Variants in GALNTL6 observed in about 807,000 individuals in gnomAD.
GALNTL6 encodes polypeptide N-acetylgalactosaminyltransferase like 6, also known as polypeptide N-acetylgalactosaminyltransferase-like 6.
A neutral mutation model predicts 73.7 loss-of-function variants in GALNTL6; 46 were observed. That is an observed-to-expected ratio of 0.62 (90% CI 0.49 to 0.80). The LOEUF (loss-of-function observed/expected upper bound fraction) is 0.80, where lower values mean the gene tolerates loss of function less well. Among genes scored for constraint, GALNTL6 ranks in the 30% least tolerant of loss-of-function variants. The probability of loss-of-function intolerance (pLI) is 0.00; values close to 1 mark genes in which losing one functional copy is unlikely to be tolerated. For missense variants in GALNTL6, 604 were observed against 755.0 expected (o/e 0.80, Z 2.34); for synonymous variants, 259 against 263.7 (o/e 0.98, Z 0.17).
At chr4:172,618,213 G>A (rs1738820045) in intron 5 of GALNTL6, among the ~76,000 whole-genome samples, 1 of 151,950 alleles carries the variant, frequency 6.6e-6, no homozygotes, top group South Asian at 2.1e-4. Context: ...GCTTGGTTTT[G>A]GGCAGCTTGT....
At chr4:172,829,170 A>T (rs1742480324) in intron 7 of GALNTL6, among the ~76,000 whole-genome samples, 1 of 152,238 alleles carries the variant, frequency 6.6e-6, no homozygotes, top group Non-Finnish European at 1.5e-5. Flanking sequence ...GATATTCGCC[A>T]TCCACCTACA....
chr4:171,919,351 G>T (rs1036482392), intron 2 of GALNTL6, among the ~76,000 whole-genome samples: 2 of 152,108 alleles, frequency 1.3e-5, no homozygotes, highest in Non-Finnish European at 2.9e-5. Flanking sequence ...AGATTTCAGG[G>T]TTGACTCTCT....
intron 2 of GALNTL6, among the ~76,000 whole-genome samples, chr4:171,923,786 C>CTGTGTGTGTGTGTGTG (rs563244976): frequency 0.013 from 1,706 of 133,246 alleles, 19 homozygotes; most frequent in East Asian, 0.019. Context: ...AAAAGTATTG[C>CTGTGTGTGTGTGTGTG]TGTGTGTGTG....
intron 2 of GALNTL6, among the ~76,000 whole-genome samples, chr4:172,066,992 T>C (rs1476182753): frequency 6.6e-6 from 1 of 151,990 alleles, no homozygotes; most frequent in Non-Finnish European, 1.5e-5. Flanking sequence ...TACACCTATC[T>C]GCCTGCCTTC....
At chr4:172,989,644 A>C (rs1351094173) in intron 10 of GALNTL6, among the ~76,000 whole-genome samples, 2 of 152,102 alleles carry the variant, frequency 1.3e-5, no homozygotes, top group African/African-American at 4.8e-5. Context: ...AAAAGTGTGC[A>C]GCACCTCCCC....
At chr4:171,879,401 T>C (rs994535887) in intron 2 of GALNTL6, among the ~76,000 whole-genome samples, 1 of 152,182 alleles carries the variant, frequency 6.6e-6, no homozygotes, top group Non-Finnish European at 1.5e-5. Flanking sequence ...CTGCACGTTC[T>C]ATACAATCTG....
intron 7 of GALNTL6, among the ~76,000 whole-genome samples, chr4:172,826,723 C>T (rs541049774): frequency 6.6e-6 from 1 of 152,260 alleles, no homozygotes; most frequent in South Asian, 2.1e-4. Context: ...AGAGCACGGC[C>T]CTCTTTCCTG....
chr4:172,103,994 G>A (rs1215472725), intron 2 of GALNTL6, among the ~76,000 whole-genome samples: 2 of 151,116 alleles, frequency 1.3e-5, no homozygotes, highest in African/African-American at 2.4e-5. Flanking sequence ...CCCAGGCTGG[G>A]CTGCAGTGGT....
At chr4:172,356,043 T>C in intron 5 of GALNTL6, among the ~76,000 whole-genome samples, 1 of 152,192 alleles carries the variant, frequency 6.6e-6, no homozygotes. Context: ...CTGCTTTTTG[T>C]GTAGGAAAAT....
intron 8 of GALNTL6, among the ~76,000 whole-genome samples, chr4:172,888,537 T>C (rs1745849455): frequency 6.6e-6 from 1 of 152,242 alleles, no homozygotes; most frequent in Non-Finnish European, 1.5e-5. Flanking sequence ...TGCTTATTTT[T>C]GTCAACTTTG....
At chr4:171,822,862 G>A (rs538913246) in intron 2 of GALNTL6, among the ~76,000 whole-genome samples, 7 of 152,284 alleles carry the variant, frequency 4.6e-5, no homozygotes, top group African/African-American at 1.7e-4. Flanking sequence ...AAATTATTTA[G>A]AGTTTAGAAG....
intron 2 of GALNTL6, among the ~76,000 whole-genome samples, chr4:172,168,591 AGGT>A (rs910894041): frequency 2.7e-4 from 40 of 150,854 alleles, no homozygotes; most frequent in Middle Eastern, 3.4e-3. Context: ...ATGATGGTGG[AGGT>A]GGTGGTGGTG....
chr4:172,730,554 T>G (rs111496814), intron 5 of GALNTL6, among the ~76,000 whole-genome samples: 91 of 152,354 alleles, frequency 6.0e-4, no homozygotes, highest in African/African-American at 2.1e-3. Flanking sequence ...GTTGAAACAT[T>G]GTCTTACCCC....
intron 2 of GALNTL6, among the ~76,000 whole-genome samples, chr4:172,006,093 T>C (rs973660482): frequency 6.6e-6 from 1 of 152,202 alleles, no homozygotes; most frequent in African/African-American, 2.4e-5. Context: ...ACCTTGAATT[T>C]AACAACAGCA....
At chr4:172,799,166 GAGC>G in intron 5 of GALNTL6, among the ~76,000 whole-genome samples, 1 of 152,304 alleles carries the variant, frequency 6.6e-6, no homozygotes, top group African/African-American at 2.4e-5. Context: ...TAGATGCAAA[GAGC>G]AGACCACACA....
At chr4:172,503,526 G>GTATATATATAGATATA (rs1734336477) in intron 5 of GALNTL6, among the ~76,000 whole-genome samples, 1 of 85,934 alleles carries the variant, frequency 1.2e-5, no homozygotes, top group Non-Finnish European at 2.4e-5. Context: ...ACATAGAGTA[G>GTATATATATAGATATA]TATATATATA....
At position 172,706,880 on chromosome 4, in the gene GALNTL6, A is replaced by G. The variant is rs1734389611; in HGVS notation, c.554-102481A>G. Among the ~76,000 whole-genome samples the G allele has an allele frequency of 1.3e-5, 2 of 152,152 alleles. 1 individual carries two copies. The highest frequency in any genetic ancestry group is 4.1e-4 in the South Asian group (2 of 4,820). On this transcript the variant is annotated intron_variant, in intron 5 of 12. Coordinates refer to ENST00000506823, the MANE Select transcript of GALNTL6 (RefSeq NM_001034845.3). The stretch of plus-strand genomic sequence containing the variant: ...TTTGGCTGAGATGAAAAGCAGCCAC[A>G]GAGTTTTGCATGCTGGCTCATTTTA...
intron 5 of GALNTL6, among the ~76,000 whole-genome samples, chr4:172,794,171 G>A (rs906332752): frequency 2.0e-4 from 30 of 152,124 alleles, no homozygotes; most frequent in African/African-American, 6.0e-4. Flanking sequence ...CTATTTAAAG[G>A]CCATATTACT....
rs536099325 is a variant in GALNTL6 at position 172,764,262 on chromosome 4, T to A, written c.554-45099T>A. 4.4e-3 allele frequency among the ~76,000 whole-genome samples: 673 copies of A among 152,350 alleles called. 2 individuals carry two copies. The highest frequency in any genetic ancestry group is 7.3e-3 in the Non-Finnish European group (500 of 68,030). ...GCGAACCACCGCGCCTGGCCAGTGT[T>A]ATTTTTTTCTAACAAATTGAGAGAA... On this transcript the variant is annotated intron_variant, in intron 5 of 12. Coordinates refer to ENST00000506823, the MANE Select transcript of GALNTL6 (RefSeq NM_001034845.3).
Sources: gnomAD v4.1 joint callset for allele counts (sites outside exome capture counted in the v4.1 genomes callset) on GRCh38, gnomAD v4.1.1 for gene constraint, MANE v1.5 for transcripts, NCBI Gene and HGNC (gene_info 2026-07-23, HGNC 2026-07-21) for gene names.